KLF12: variants seen among roughly 807,000 people sequenced by gnomAD.
KLF12 encodes Krueppel-like factor 12.
In KLF12, 9 loss-of-function variants were observed where a neutral mutation model predicts 37.8. The observed-to-expected ratio is 0.24, with a 90% CI of 0.14 to 0.42. The LOEUF (loss-of-function observed/expected upper bound fraction) is 0.42, where lower values mean the gene tolerates loss of function less well. KLF12 is among the 10% of genes least tolerant of loss of function. KLF12 has a pLI of 1.00. For missense variants in KLF12, 411 were observed against 516.0 expected, an observed-to-expected ratio of 0.80 and a Z score of 1.97; for synonymous variants, 208 against 202.1, an observed-to-expected ratio of 1.03 and a Z score of -0.25.
chr13:74,276,068 G>A, the KLF12 span, among the ~76,000 whole-genome samples: 5 of 151,464 alleles, frequency 3.3e-5, no homozygotes, highest in South Asian at 2.1e-4. Context: ...CCATCAACCC[G>A]TCATCTAGGT....
chr13:73,738,831 A>C (rs948496188), intron 6 of KLF12, among the ~76,000 whole-genome samples: 1 of 152,168 alleles, frequency 6.6e-6, no homozygotes, highest in Non-Finnish European at 1.5e-5. Context: ...TTTACAGTTA[A>C]ATGCCTGGTA....
chr13:74,094,751 C>G (rs1875882830), intron 1 of KLF12, among the ~76,000 whole-genome samples: 1 of 152,036 alleles, frequency 6.6e-6, no homozygotes, highest in Non-Finnish European at 1.5e-5. Flanking sequence ...AGGTGCCCAC[C>G]ACCACGCCCA....
intron 1 of KLF12, among the ~76,000 whole-genome samples, chr13:74,125,039 G>A (rs964827037): frequency 6.6e-6 from 1 of 151,698 alleles, no homozygotes; most frequent in Non-Finnish European, 1.5e-5. Context: ...CACCTACTCG[G>A]AAGGCTGAAG....
the KLF12 span, among the ~76,000 whole-genome samples, chr13:74,144,641 G>A: frequency 1.3e-5 from 2 of 152,090 alleles, no homozygotes; most frequent in African/African-American, 2.4e-5. Context: ...AAAATTCGGT[G>A]GGATCATAAT....
intron 6 of KLF12, among the ~76,000 whole-genome samples, chr13:73,745,623 G>A (rs959089634): frequency 6.6e-6 from 1 of 152,066 alleles, no homozygotes; most frequent in Non-Finnish European, 1.5e-5. Context: ...AGTGTAAAAA[G>A]AAAAAGAAAA....
the KLF12 span, among the ~76,000 whole-genome samples, chr13:74,260,360 A>G: frequency 6.6e-6 from 1 of 151,976 alleles, no homozygotes. Context: ...GTTAGAGACC[A>G]GCCTGGACAA....
At chr13:73,882,632 T>TA (rs1235976647) in intron 3 of KLF12, among the ~76,000 whole-genome samples, 1 of 152,140 alleles carries the variant, frequency 6.6e-6, no homozygotes, top group South Asian at 2.1e-4. Context: ...AAAGAACACA[T>TA]AAGTAATCAT....
intron 5 of KLF12, among the ~76,000 whole-genome samples, chr13:73,785,818 G>A (rs552887097): frequency 1.3e-5 from 2 of 152,140 alleles, no homozygotes; most frequent in East Asian, 3.9e-4. Flanking sequence ...TTATCTGCTG[G>A]ATGCCATGCA....
At chr13:73,786,364 A>C (rs1325853145) in intron 5 of KLF12, among the ~76,000 whole-genome samples, 2 of 152,270 alleles carry the variant, frequency 1.3e-5, no homozygotes, top group South Asian at 2.1e-4. Context: ...ATAACCATCA[A>C]GGGGGTTCTC....
intron 2 of KLF12, among the ~76,000 whole-genome samples, chr13:73,987,564 G>A (rs1475294650): frequency 1.3e-5 from 2 of 151,174 alleles, no homozygotes; most frequent in Non-Finnish European, 2.9e-5. Flanking sequence ...ATGAAAATGT[G>A]TAAACAGGGA....
intron 3 of KLF12, among the ~76,000 whole-genome samples, chr13:73,910,722 G>C (rs1055105286): frequency 6.6e-6 from 1 of 152,142 alleles, no homozygotes; most frequent in Admixed American, 6.5e-5. Context: ...GCTATGGTTT[G>C]AATATTTGTC....
intron 5 of KLF12, among the ~76,000 whole-genome samples, chr13:73,812,520 A>G (rs1471917746): frequency 6.6e-6 from 1 of 152,070 alleles, no homozygotes; most frequent in Non-Finnish European, 1.5e-5. Flanking sequence ...TTAGACCTCA[A>G]TAAAGCTGAA....
At position 73,803,549 on chromosome 13, in the gene KLF12, A is replaced by AAGAATCATATGCTTATTAT. The variant is rs527784223; in HGVS notation, c.806+9584_806+9602dup. ...CAGCACTTACCTTCTCCAGGGACAG[A>AAGAATCATATGCTTATTAT]AGAATCATATGCTTATTATAGAATC... is the stretch of plus-strand genomic sequence containing the variant. On this transcript the variant is annotated intron_variant, in intron 5 of 7. Coordinates refer to ENST00000377669, the MANE Select transcript of KLF12 (RefSeq NM_007249.5). 2.9e-3 allele frequency among the ~76,000 whole-genome samples: 446 copies of AAGAATCATATGCTTATTAT among 152,248 alleles called. 2 individuals are homozygous for AAGAATCATATGCTTATTAT. Among genetic ancestry groups the AAGAATCATATGCTTATTAT allele is most frequent in the Admixed American group, 4.0e-3 (61 of 15,284 alleles).
chr13:73,916,541 C>T (rs1258007741), intron 3 of KLF12, among the ~76,000 whole-genome samples: 1 of 152,138 alleles, frequency 6.6e-6, no homozygotes, highest in South Asian at 2.1e-4. Flanking sequence ...GAATGTAGCA[C>T]TTTTGGTACA....
At chr13:74,084,969 T>G (rs563201805) in intron 1 of KLF12, among the ~76,000 whole-genome samples, 26 of 152,314 alleles carry the variant, frequency 1.7e-4, no homozygotes, top group Non-Finnish European at 3.2e-4. Flanking sequence ...TGCTATATAT[T>G]ATGCTAGTTA....
At chr13:73,842,659 AT>A (rs1327407141) in intron 4 of KLF12, among the ~76,000 whole-genome samples, 1 of 152,238 alleles carries the variant, frequency 6.6e-6, no homozygotes, top group African/African-American at 2.4e-5. Flanking sequence ...AGCCAGTACA[AT>A]CATCTACATT....
At chr13:74,113,448 C>G (rs1245761968) in intron 1 of KLF12, among the ~76,000 whole-genome samples, 1 of 152,142 alleles carries the variant, frequency 6.6e-6, no homozygotes, top group African/African-American at 2.4e-5. Flanking sequence ...TAAATTGAAG[C>G]CAATGCTCAC....
the KLF12 span, among the ~76,000 whole-genome samples, chr13:74,191,687 T>C: frequency 6.6e-6 from 1 of 152,146 alleles, no homozygotes; most frequent in Non-Finnish European, 1.5e-5. Context: ...AGTTAGAAAG[T>C]ACAGAGCCTT....
At position 74,026,045 on chromosome 13, in the gene KLF12, T is replaced by C. The variant is rs1303388544; in HGVS notation, c.-31-30992A>G. On this transcript the variant is annotated intron_variant, in intron 1 of 7. Coordinates refer to ENST00000377669, the MANE Select transcript of KLF12 (RefSeq NM_007249.5). ...CTTGACATTATTAATCATCATAATT[T>C]ATGCCAATTATGGATACAATGTGAA... Among the ~76,000 whole-genome samples the C allele has an allele frequency of 2.0e-5, 3 of 152,178 alleles. No individual in the cohort carries two copies. In the East Asian group the frequency reaches 5.8e-4, roughly 29 times the overall value.
Sources: gnomAD v4.1 joint callset for allele counts (sites outside exome capture counted in the v4.1 genomes callset) on GRCh38, gnomAD v4.1.1 for gene constraint, MANE v1.5 for transcripts, NCBI Gene and HGNC (gene_info 2026-07-23, HGNC 2026-07-21) for gene names.